Variants in CSNK2A1 observed in about 807,000 individuals in gnomAD.
The protein encoded by CSNK2A1 is casein kinase 2 alpha 1.
A neutral mutation model predicts 62.9 loss-of-function variants in CSNK2A1; 10 were observed. The ratio of observed to expected loss-of-function variants is 0.16; its 90% CI spans 0.10 to 0.27. The LOEUF (loss-of-function observed/expected upper bound fraction) is 0.27, where lower values mean the gene tolerates loss of function less well. Among genes scored for constraint, CSNK2A1 ranks in the 10% least tolerant of loss-of-function variants. The pLI, the probability that CSNK2A1 is intolerant of heterozygous loss-of-function variation, is 1.00. For missense variants in CSNK2A1, 160 were observed against 492.0 expected (o/e 0.33, Z 6.38); for synonymous variants, 124 against 167.8 (o/e 0.74, Z 2.02).
intron 2 of CSNK2A1, among the ~76,000 whole-genome samples, chr20:509,169 G>A (rs1321098223): frequency 6.6e-6 from 1 of 152,298 alleles, no homozygotes; most frequent in East Asian, 1.9e-4. Flanking sequence ...AAAGCTCCAT[G>A]TCATCTTATA....
chr20:523,666 T>C (rs921812178), intron 2 of CSNK2A1, among the ~76,000 whole-genome samples: 2 of 151,098 alleles, frequency 1.3e-5, no homozygotes, highest in African/African-American at 4.9e-5. Context: ...CCGAAGCGGA[T>C]GGATCACAAG....
chr20:493,714 G>C (rs59067999), intron 8 of CSNK2A1, among the ~76,000 whole-genome samples: 13,639 of 152,144 alleles, frequency 0.09, 700 homozygotes, highest in South Asian at 0.13. Flanking sequence ...TATGTAAGTT[G>C]ATATAATCTC....
intron 12 of CSNK2A1, chr20:487,182 G>T: frequency 1.8e-6 from 1 of 546,396 alleles, no homozygotes; most frequent in Non-Finnish European, 3.2e-6. Context: ...GAGGCACTGA[G>T]AAGTGTCATC....
At chr20:520,030 T>C (rs565721044) in intron 2 of CSNK2A1, among the ~76,000 whole-genome samples, 25 of 151,650 alleles carry the variant, frequency 1.6e-4, no homozygotes, top group African/African-American at 5.6e-4. Context: ...AATTACAGAA[T>C]AAAAATAGCA....
chr20:518,490 G>A (rs2018872357), intron 2 of CSNK2A1, among the ~76,000 whole-genome samples: 1 of 152,156 alleles, frequency 6.6e-6, no homozygotes, highest in Non-Finnish European at 1.5e-5. Context: ...TCTCCATGGA[G>A]GAAAGTACCT....
At chr20:495,576 TA>T in intron 8 of CSNK2A1, 142 bp downstream of exon 8, 1 of 628,460 alleles carries the variant, frequency 1.6e-6, no homozygotes, top group Non-Finnish European at 2.8e-6. Context: ...TGTTGACTTG[TA>T]AATTCGTACA....
rs1288113682 is a variant in CSNK2A1 at position 522,231 on chromosome 20, T to C, written c.-110+5702A>G. Among the ~76,000 whole-genome samples the C allele has an allele frequency of 3.9e-5, 6 of 152,224 alleles. No homozygotes were observed. The East Asian group carries it at 1.2e-3, about 29-fold the overall frequency. On this transcript the variant is annotated intron_variant, in intron 2 of 13. Transcript: ENST00000217244. ...AGCCTAAATTTCTCCCTTTCCATGC[T>C]TATTCATTACAAGGGTATTCCTAAG...
In CSNK2A1 at chr20:485,416, C is replaced by T. The variant is rs557829764; in HGVS notation, c.1060+960G>A. ...CAGGCTGGTCTCGAACTCCTGACCTCAAGTGACCCACCCGCCTCAGCCTCC... is the reference window on the plus strand; with the variant it reads ...CAGGCTGGTCTCGAACTCCTGACCTTAAGTGACCCACCCGCCTCAGCCTCC... On this transcript the variant is annotated intron_variant, in intron 13 of 13. Transcript: ENST00000217244. Among the ~76,000 whole-genome samples, 9 of 152,158 alleles carry T rather than the reference C, an allele frequency of 5.9e-5. No homozygotes were observed. In the South Asian group the frequency reaches 1.9e-3, roughly 32 times the overall value.
intron 9 of CSNK2A1, among the ~76,000 whole-genome samples, chr20:490,807 G>C (rs1453674368): frequency 6.7e-6 from 1 of 149,330 alleles, no homozygotes; most frequent in Admixed American, 6.7e-5. Flanking sequence ...CTGGGCTTAG[G>C]CCTCCTGAGT....
chr20:525,731 G>A lies in CSNK2A1; in HGVS notation c.-110+2202C>T, dbSNP rs143570387. On this transcript the variant is annotated intron_variant, in intron 2 of 13. Coordinates refer to ENST00000217244, the MANE Select transcript of CSNK2A1 (RefSeq NM_177559.3). ...CTAATGCCTGTAATCCCAACACTTT[G>A]GGAGGCTGAGGCCAAGGTGTGAGGA... Among the ~76,000 whole-genome samples the A allele has an allele frequency of 4.5e-3, 684 of 150,846 alleles. 2 individuals are homozygous for A. Among genetic ancestry groups the A allele is most frequent in the Admixed American group, 6.3e-3 (95 of 15,168 alleles).
intron 1 of CSNK2A1, among the ~76,000 whole-genome samples, chr20:536,700 G>A (rs2122655026): frequency 6.6e-6 from 1 of 152,202 alleles, no homozygotes; most frequent in East Asian, 1.9e-4. Flanking sequence ...CTACACCTAA[G>A]ATACAAAGCA....
chr20:497,521 C>T (rs1203523233), intron 7 of CSNK2A1, among the ~76,000 whole-genome samples, 200 bp downstream of exon 7: 1 of 152,076 alleles, frequency 6.6e-6, no homozygotes, highest in Non-Finnish European at 1.5e-5. Flanking sequence ...ATCTCCTGGC[C>T]TCAAGCAATC....
At chr20:491,151 A>G (rs906584163) in intron 9 of CSNK2A1, among the ~76,000 whole-genome samples, 1 of 152,198 alleles carries the variant, frequency 6.6e-6, no homozygotes, top group Non-Finnish European at 1.5e-5. Context: ...AACTTTTAAA[A>G]TCAACTGATA....
chr20:509,453 A>AT (rs1320166129), intron 2 of CSNK2A1, among the ~76,000 whole-genome samples: 1 of 152,206 alleles, frequency 6.6e-6, no homozygotes, highest in East Asian at 1.9e-4. Flanking sequence ...CTCCTACAGC[A>AT]TGTGCTGATT....
chr20:534,386 ATT>A (rs1158639328), intron 1 of CSNK2A1, among the ~76,000 whole-genome samples: 1 of 152,182 alleles, frequency 6.6e-6, no homozygotes, highest in African/African-American at 2.4e-5. Flanking sequence ...AGGTTTCTTC[ATT>A]ATTCTTTTAC....
intron 1 of CSNK2A1, among the ~76,000 whole-genome samples, chr20:542,550 A>C (rs1205047517): frequency 6.6e-6 from 1 of 152,158 alleles, no homozygotes; most frequent in Non-Finnish European, 1.5e-5. Flanking sequence ...CTCCTGCCTT[A>C]GCCTCCCGAG....
chr20:511,763 G>T (rs902084406), intron 2 of CSNK2A1, among the ~76,000 whole-genome samples: 5 of 151,942 alleles, frequency 3.3e-5, no homozygotes, highest in African/African-American at 1.2e-4. Context: ...TCTGCTGATG[G>T]ACACTTGAGT....
At chr20:506,020 C>G (rs553712398) in intron 3 of CSNK2A1, 2 of 151,844 alleles carry the variant, frequency 1.3e-5, no homozygotes, top group African/African-American at 2.4e-5. Flanking sequence ...GGACTACAGG[C>G]GCCCACCACC....
intron 1 of CSNK2A1, among the ~76,000 whole-genome samples, chr20:541,451 G>A (rs1042946851): frequency 1.3e-5 from 2 of 152,104 alleles, no homozygotes; most frequent in Non-Finnish European, 2.9e-5. Context: ...AGAGTGTGAA[G>A]TAAAGATGTA....
Sources: allele counts gnomAD v4.1 joint callset (sites outside exome capture counted in the v4.1 genomes callset), GRCh38; gene constraint gnomAD v4.1.1; transcripts MANE v1.5; gene names NCBI Gene and HGNC (gene_info 2026-07-23, HGNC 2026-07-21).